DIAPH2: variants seen among roughly 807,000 people sequenced by gnomAD.
The protein encoded by DIAPH2 is protein diaphanous homolog 2.
A neutral mutation model predicts 92.7 loss-of-function variants in DIAPH2; 35 were observed. The ratio of observed to expected loss-of-function variants is 0.38; its 90% CI spans 0.29 to 0.50. DIAPH2 has a LOEUF of 0.50. Among genes scored for constraint, DIAPH2 ranks in the 20% least tolerant of loss-of-function variants. DIAPH2 has a pLI of 0.94. For missense variants in DIAPH2, 701 were observed against 819.5 expected, an observed-to-expected ratio of 0.86 and a Z score of 1.77; for synonymous variants, 301 against 280.4, an observed-to-expected ratio of 1.07 and a Z score of -0.73.
At position 97,398,874 on chromosome X, in the gene DIAPH2, G is replaced by A. The variant is rs950204933; in HGVS notation, c.3145+14830G>A. The stretch of plus-strand genomic sequence containing the variant: ...CCAATTCTCTGCCTCAGCCTCCTGA[G>A]TAGCTGGGATTACAGGCACCCACCA... On this transcript the variant is annotated intron_variant, in intron 25 of 26. Coordinates refer to ENST00000324765, the MANE Select transcript of DIAPH2 (RefSeq NM_006729.5). Among the ~76,000 whole-genome samples the A allele has an allele frequency of 2.8e-5, 3 of 108,683 alleles. 1 individual carries two copies. The Admixed American group carries it at 3.0e-4, about 11-fold the overall frequency. 94.4% of individuals were successfully genotyped at this position (108,683 alleles called of 115,157 possible). A position where few individuals can be genotyped will look rare whatever the true frequency, so the allele number is the denominator to read the frequency against.
At chrX:96,872,014 A>T (rs1432962494) in intron 4 of DIAPH2, among the ~76,000 whole-genome samples, 1 of 112,236 alleles carries the variant, frequency 8.9e-6, no homozygotes, top group Non-Finnish European at 1.9e-5. Context: ...GTATGATTTC[A>T]TGTAAATGAC....
chrX:97,431,808 A>T (rs2070129506), intron 26 of DIAPH2: 1 of 112,147 alleles, frequency 8.9e-6, no homozygotes, highest in African/African-American at 3.2e-5. Context: ...CAGAAGGCAC[A>T]GAGTTTACAA....
chrX:97,272,303 A>C (rs918144040), intron 23 of DIAPH2, among the ~76,000 whole-genome samples: 1 of 111,376 alleles, frequency 9.0e-6, no homozygotes, highest in Non-Finnish European at 1.9e-5. Flanking sequence ...AGCCTGTTAA[A>C]AACTTTTTGA....
At position 97,137,270 on chromosome X, in the gene DIAPH2, CATATATATATATAT is replaced by C. The variant is rs57799375; in HGVS notation, c.2590-4376_2590-4363del. ...GGGGTCATATATAAACGCAGTTATA[CATATATATATATAT>C]ATATATATATATATATATGTATAGA... On this transcript the variant is annotated intron_variant, in intron 21 of 26. Transcript: ENST00000324765. Among the ~76,000 whole-genome samples the C allele has an allele frequency of 3.8e-3, 258 of 68,255 alleles. 4 individuals carry two copies. Among genetic ancestry groups the C allele is most frequent in the African/African-American group, 0.014 (228 of 16,003 alleles). The allele number at this position is 68,255 out of a possible 115,157, so 59.3% of individuals were successfully genotyped here. A position where few individuals can be genotyped will look rare whatever the true frequency, so the allele number is the denominator to read the frequency against.
intron 1 of DIAPH2, among the ~76,000 whole-genome samples, chrX:96,733,601 A>G (rs2064069161): frequency 8.9e-6 from 1 of 111,849 alleles, no homozygotes; most frequent in African/African-American, 3.3e-5. Flanking sequence ...GTGTTGAGCC[A>G]AGGAGTGACA....
At position 96,930,818 on chromosome X, in the gene DIAPH2, G is replaced by A. The variant is rs780492074; in HGVS notation, c.1064G>A (p.Arg355His). The A allele has an allele frequency of 3.5e-5, 42 of 1,187,080 alleles. No individual in the cohort carries two copies. The highest frequency in any genetic ancestry group is 3.9e-5 in the South Asian group (2 of 51,067). Reference sequence around the variant, plus strand: ...ATACATTTAAGGAATGAATTCCTCCGTTCAGGACTAAAAACAATGTTACCA... The same window carrying A: ...ATACATTTAAGGAATGAATTCCTCCATTCAGGACTAAAAACAATGTTACCA... Reference protein sequence around the residue: ...FRIHLRNEFLRSGLKTMLPDL... With the variant: ...FRIHLRNEFLHSGLKTMLPDL... The change falls in exon 10 of 27, where the codon CGT becomes CAT. Residue 355 changes from arginine to histidine, a missense_variant. Arg to His is a conservative substitution (Grantham distance 29). Transcript: ENST00000324765.
chrX:96,987,171 C>T (rs968832238), intron 17 of DIAPH2, among the ~76,000 whole-genome samples: 5 of 111,423 alleles, frequency 4.5e-5, no homozygotes, highest in Admixed American at 2.9e-4. Context: ...CTTTGTTTCA[C>T]AAATCTTATA....
At chrX:97,469,749 C>T (rs368036378) in intron 26 of DIAPH2, 20 of 1,202,489 alleles carry the variant, frequency 1.7e-5, no homozygotes, top group Non-Finnish European at 2.1e-5. Context: ...CATAAACGGC[C>T]TGAGTGCTGT....
intron 26 of DIAPH2, among the ~76,000 whole-genome samples, chrX:97,556,046 T>A (rs765016342): frequency 2.4e-4 from 27 of 112,012 alleles, no homozygotes; most frequent in Non-Finnish European, 3.0e-4. Flanking sequence ...GAGTCATTCA[T>A]GATCCTAAAT....
intron 4 of DIAPH2, among the ~76,000 whole-genome samples, chrX:96,858,079 A>C (rs1209236459): frequency 8.9e-6 from 1 of 112,456 alleles, no homozygotes; most frequent in Non-Finnish European, 1.9e-5. Context: ...ATTTTTATTG[A>C]TAGAACAGTG....
chrX:96,901,546 T>G (rs1280665209), intron 5 of DIAPH2, among the ~76,000 whole-genome samples: 1 of 65,671 alleles, frequency 1.5e-5, no homozygotes, highest in Non-Finnish European at 2.8e-5. Context: ...TTTTTTTTTT[T>G]TTTTTTTTTT....
intron 25 of DIAPH2, among the ~76,000 whole-genome samples, chrX:97,416,473 T>A: frequency 1.8e-5 from 2 of 112,513 alleles, no homozygotes; most frequent in Middle Eastern, 9.1e-3. Flanking sequence ...TCAATTTGAT[T>A]ATTTTTCTTA....
At chrX:97,045,550 A>G (rs5920711) in intron 17 of DIAPH2, among the ~76,000 whole-genome samples, 1,262 of 111,732 alleles carry the variant, frequency 0.011, 9 homozygotes, top group Non-Finnish European at 0.019. Context: ...TATCATTTAC[A>G]GGCCTAAGAA....
At chrX:97,334,998 C>CAAAAA (rs746536131) in intron 23 of DIAPH2, among the ~76,000 whole-genome samples, 569 of 31,399 alleles carry the variant, frequency 0.018, 12 homozygotes, top group African/African-American at 0.046. Flanking sequence ...AAAAACAAAA[C>CAAAAA]AAAAAAAAAA....
chrX:97,147,001 G>C (rs62595763), intron 22 of DIAPH2, among the ~76,000 whole-genome samples: 1 of 109,724 alleles, frequency 9.1e-6, no homozygotes, highest in Non-Finnish European at 1.9e-5. Flanking sequence ...TTAAGTTTAC[G>C]TATTTATTTA....
intron 4 of DIAPH2, among the ~76,000 whole-genome samples, chrX:96,813,949 C>G (rs1307980371): frequency 1.8e-5 from 2 of 111,472 alleles, no homozygotes; most frequent in Admixed American, 9.5e-5. Flanking sequence ...CTCTGGCTGC[C>G]CTTAGCCTTT....
intron 4 of DIAPH2, among the ~76,000 whole-genome samples, chrX:96,809,892 C>T (rs1429847016): frequency 8.9e-6 from 1 of 112,095 alleles, no homozygotes; most frequent in African/African-American, 3.2e-5. Context: ...GTATATGTGC[C>T]ACATTTTCTT....
chrX:96,845,152 AAC>A (rs763353461), intron 4 of DIAPH2, among the ~76,000 whole-genome samples: 164 of 111,680 alleles, frequency 1.5e-3, no homozygotes, highest in Admixed American at 3.0e-3. Flanking sequence ...TAAGCTAGAA[AAC>A]ACTGTAAATA....
At chrX:97,181,395 T>C (rs1569321902) in intron 22 of DIAPH2, among the ~76,000 whole-genome samples, 2 of 109,535 alleles carry the variant, frequency 1.8e-5, no homozygotes, top group Admixed American at 9.8e-5. Flanking sequence ...CATGAGTATA[T>C]GTGTTGTTGT....
Sources: allele counts gnomAD v4.1 joint callset (sites outside exome capture counted in the v4.1 genomes callset), GRCh38; gene constraint gnomAD v4.1.1; transcripts MANE v1.5; gene names NCBI Gene and HGNC (gene_info 2026-07-23, HGNC 2026-07-21).